CCDC178: variants seen among roughly 807,000 people sequenced by gnomAD.
CCDC178 encodes the protein coiled-coil domain containing 178.
CCDC178 carries 126 observed loss-of-function variants against 117.4 expected under a neutral mutation model. The observed-to-expected ratio is 1.07, with a 90% CI of 0.93 to 1.24. The LOEUF is 1.24. CCDC178 is among the 50% of genes most tolerant of loss of function. The probability of loss-of-function intolerance (pLI) is 0.00; values close to 1 mark genes in which losing one functional copy is unlikely to be tolerated. For synonymous variants in CCDC178, 283 were observed against 313.4 expected (o/e 0.90, Z 1.02); for missense variants, 1,030 against 986.9 (o/e 1.04, Z -0.59).
chr18:33,004,406 T>C (rs1415884963), intron 21 of CCDC178, among the ~76,000 whole-genome samples: 2 of 152,086 alleles, frequency 1.3e-5, no homozygotes, highest in African/African-American at 4.8e-5. Flanking sequence ...CTTCAATAAA[T>C]GATGATGGGA....
At chr18:32,975,561 A>C (rs1382762775) in intron 21 of CCDC178, among the ~76,000 whole-genome samples, 1 of 152,132 alleles carries the variant, frequency 6.6e-6, no homozygotes, top group Non-Finnish European at 1.5e-5. Flanking sequence ...AACAGTAAAA[A>C]CAGTTTCTTA....
chr18:33,207,609 A>G (rs1757060186), intron 20 of CCDC178, among the ~76,000 whole-genome samples: 3 of 151,664 alleles, frequency 2.0e-5, no homozygotes, highest in African/African-American at 7.2e-5. Flanking sequence ...TAAGAAAAAT[A>G]CTAATTTTTA....
At chr18:33,235,773 T>C (rs1299007418) in intron 15 of CCDC178, among the ~76,000 whole-genome samples, 1 of 152,170 alleles carries the variant, frequency 6.6e-6, no homozygotes, top group Non-Finnish European at 1.5e-5. Context: ...AATTTTTGGT[T>C]GCAATGTCGC....
At chr18:33,293,113 T>C in intron 12 of CCDC178, 46 bp downstream of exon 12, 2 of 1,374,090 alleles carry the variant, frequency 1.5e-6, no homozygotes, top group Non-Finnish European at 2.0e-6. Context: ...TATTTATAAC[T>C]CAAAACAAAA....
At chr18:33,070,678 A>T (rs1016703820) in intron 21 of CCDC178, among the ~76,000 whole-genome samples, 2 of 152,102 alleles carry the variant, frequency 1.3e-5, no homozygotes, top group African/African-American at 2.4e-5. Context: ...AATGGTCCCA[A>T]TGTAAAGAAA....
rs563429825 is a variant in CCDC178 at position 33,104,601 on chromosome 18, G to C, written c.2239-11691C>G. Among the ~76,000 whole-genome samples the C allele has an allele frequency of 3.3e-5, 5 of 151,680 alleles. No homozygotes were observed. In the South Asian group the frequency reaches 1.0e-3, roughly 31 times the overall value. The stretch of plus-strand genomic sequence containing the variant: ...TCAGCCCTCTTTCTTCCCACATTAA[G>C]GTGTGGAAATAGAAATACGTCAAAA... On this transcript the variant is annotated intron_variant, in intron 20 of 22. Transcript: ENST00000383096.
intron 11 of CCDC178, among the ~76,000 whole-genome samples, chr18:33,302,771 TG>T (rs1162013144): frequency 6.6e-6 from 1 of 152,220 alleles, no homozygotes; most frequent in African/African-American, 2.4e-5. Context: ...AGTTCAAAGT[TG>T]CTTGTTCTCA....
chr18:33,004,575 T>A (rs191842874), intron 21 of CCDC178, among the ~76,000 whole-genome samples: 67 of 152,114 alleles, frequency 4.4e-4, no homozygotes, highest in African/African-American at 1.5e-3. Flanking sequence ...TCTTGAGTGA[T>A]ACCCCACAAG....
chr18:33,100,131 A>G (rs1049377701), intron 20 of CCDC178, among the ~76,000 whole-genome samples: 5 of 151,906 alleles, frequency 3.3e-5, no homozygotes, highest in African/African-American at 9.7e-5. Context: ...TGTCCCTGCC[A>G]GAGTCCAGGG....
At chr18:33,383,514 A>C (rs2063461264) in intron 5 of CCDC178, among the ~76,000 whole-genome samples, 1 of 152,058 alleles carries the variant, frequency 6.6e-6, no homozygotes, top group South Asian at 2.1e-4. Context: ...CTTCCAGAGG[A>C]AAGAGCAGGA....
intron 2 of CCDC178, among the ~76,000 whole-genome samples, chr18:33,436,815 C>T (rs898077040): frequency 1.3e-5 from 2 of 151,144 alleles, no homozygotes; most frequent in Admixed American, 1.3e-4. Flanking sequence ...TAAGAGATCT[C>T]CACTGTGAGC....
chr18:33,398,262 CAT>C (rs1379651740), intron 3 of CCDC178, among the ~76,000 whole-genome samples: 3 of 151,808 alleles, frequency 2.0e-5, no homozygotes, highest in African/African-American at 7.3e-5. Context: ...CAAAAACAGA[CAT>C]ATGAAAATAA....
chr18:33,220,587 A>C (rs930403376), intron 18 of CCDC178, among the ~76,000 whole-genome samples: 7 of 151,968 alleles, frequency 4.6e-5, no homozygotes, highest in Admixed American at 4.6e-4. Context: ...ACCTCTATAA[A>C]CCTCAGCTTT....
intron 21 of CCDC178, among the ~76,000 whole-genome samples, chr18:32,982,582 T>A (rs1244170938): frequency 6.6e-6 from 1 of 152,138 alleles, no homozygotes; most frequent in Admixed American, 6.6e-5. Flanking sequence ...TTATTTATAC[T>A]TTTTTGGATG....
At chr18:33,146,626 G>C (rs1010393542) in intron 20 of CCDC178, among the ~76,000 whole-genome samples, 7 of 152,272 alleles carry the variant, frequency 4.6e-5, no homozygotes, top group Admixed American at 2.0e-4. Context: ...ACTCCAGCCT[G>C]GGTGACAGAG....
chr18:33,166,348 C>G (rs527710210), intron 20 of CCDC178, among the ~76,000 whole-genome samples: 91 of 152,252 alleles, frequency 6.0e-4, no homozygotes, highest in African/African-American at 2.1e-3. Context: ...TTAAAAATAA[C>G]TGTTTCCCTT....
At position 33,370,160 on chromosome 18, in the gene CCDC178, G is replaced by A. The variant is rs374081389; in HGVS notation, c.238C>T (p.Pro80Ser). The change falls in exon 6 of 23, where the codon CCA (proline) becomes TCA (serine). Residue 80 changes from proline (P) to serine (S), a missense_variant. Physicochemically the swap from Pro to Ser is moderately conservative, Grantham distance 74. Transcript: ENST00000383096. The stretch of plus-strand genomic sequence containing the variant: ...ACGGCACAGCTGTGACGTCGACATG[G>A]GTAGCTAAAGTAAATGCCTTTATTC... ...GVNKGIYFSY[P>S]CRRHSCAVVN... The A allele has an allele frequency of 1.2e-6, 2 of 1,601,808 alleles. No individual in the cohort carries two copies. The highest frequency in any genetic ancestry group is 4.5e-5 in the East Asian group (2 of 44,144).
At chr18:33,089,210 A>G (rs898050439) in intron 21 of CCDC178, among the ~76,000 whole-genome samples, 3 of 152,120 alleles carry the variant, frequency 2.0e-5, no homozygotes, top group Non-Finnish European at 4.4e-5. Context: ...GTTTTTTTCA[A>G]AGCTTTACAT....
intron 14 of CCDC178, among the ~76,000 whole-genome samples, chr18:33,254,634 A>T (rs1302860841): frequency 6.6e-6 from 1 of 152,044 alleles, no homozygotes; most frequent in African/African-American, 2.4e-5. Flanking sequence ...CAATAGGACA[A>T]GCTTCTGGGA....
Sources: gnomAD v4.1 joint callset for allele counts (sites outside exome capture counted in the v4.1 genomes callset) on GRCh38, gnomAD v4.1.1 for gene constraint, MANE v1.5 for transcripts, NCBI Gene and HGNC (gene_info 2026-07-23, HGNC 2026-07-21) for gene names.